PCDHGA3: variants seen among roughly 807,000 people sequenced by gnomAD.
PCDHGA3 encodes protocadherin gamma-A3.
Under a neutral mutation model 58.5 loss-of-function variants are expected in PCDHGA3, and 40 were observed. The observed-to-expected ratio is 0.68, with a 90% CI of 0.53 to 0.89. The LOEUF (loss-of-function observed/expected upper bound fraction) is 0.89. Among genes scored for constraint, PCDHGA3 ranks in the 40% least tolerant of loss-of-function variants. The pLI is 0.00. For missense variants in PCDHGA3, 1,223 were observed against 1,195.9 expected, an observed-to-expected ratio of 1.02 and a Z score of -0.33; for synonymous variants, 530 against 525.7, an observed-to-expected ratio of 1.01 and a Z score of -0.11.
intron 1 of PCDHGA3, chr5:141,390,022 T>A (rs1206102918): frequency 2.5e-6 from 4 of 1,613,928 alleles, no homozygotes; most frequent in Non-Finnish European, 3.4e-6. Context: ...GCCTTGCGCC[T>A]GCGACGCTCC....
chr5:141,484,002 A>T, intron 1 of PCDHGA3, among the ~76,000 whole-genome samples: 1 of 25,484 alleles, frequency 3.9e-5, no homozygotes, highest in African/African-American at 1.7e-4. Context: ...GGAGGTCTGG[A>T]TGAGGGTGGG....
At position 141,435,341 on chromosome 5, in the gene PCDHGA3, C is replaced by T. The variant is rs73794903; in HGVS notation, c.2425-59466C>T. 9.3e-3 allele frequency among the ~76,000 whole-genome samples: 1,412 copies of T among 152,206 alleles called. 25 individuals carry two copies. Among genetic ancestry groups the T allele is most frequent in the African/African-American group, 0.032 (1,313 of 41,532 alleles). On this transcript the variant is annotated intron_variant, in intron 1 of 3. Coordinates refer to ENST00000253812, the MANE Select transcript of PCDHGA3 (RefSeq NM_018916.4). ...ACTTCCAAATATAGTGAATTTATTT[C>T]TTCTGCATTTAAAATTTTATCACTT...
intron 1 of PCDHGA3, among the ~76,000 whole-genome samples, chr5:141,481,593 G>A (rs575017133): frequency 1.3e-5 from 2 of 152,172 alleles, no homozygotes; most frequent in African/African-American, 2.4e-5. Context: ...TGAGGCCAGC[G>A]GATCACCTGA....
chr5:141,431,932 CT>C lies in PCDHGA3; in HGVS notation c.2425-62872del, dbSNP rs748715936. ...TCTGTTTCATCCAAGGAAATCTGCC[CT>C]TTAAATTAGAAAAATCTTACGGAAA... On this transcript the variant is annotated intron_variant, in intron 1 of 3. Transcript: ENST00000253812. The surrounding 1 kb of genome is among the most constrained non-coding windows in gnomAD (Gnocchi z 4.8). The C allele has an allele frequency of 6.2e-7, 1 of 1,614,172 alleles. No individual in the cohort carries two copies. Among genetic ancestry groups the C allele is most frequent in the Non-Finnish European group, 8.5e-7 (1 of 1,180,002 alleles).
Position 141,365,783 on chromosome 5 carries a change from G to T in PCDHGA3, c.2424+19326G>T, listed in dbSNP as rs906678928. 8 of 1,613,842 alleles carry T rather than the reference G, an allele frequency of 5.0e-6. No individual in the cohort carries two copies. Among genetic ancestry groups the T allele is most frequent in the Non-Finnish European group, 6.8e-6 (8 of 1,179,874 alleles). On this transcript the variant is annotated intron_variant, in intron 1 of 3. Transcript: ENST00000253812. ...CCATGACCCCGACAGCGGCGACAAC[G>T]CTCGAGTCACCTACTCCCTGGCTGA...
intron 1 of PCDHGA3, chr5:141,393,572 G>C (rs1399932416): frequency 6.2e-7 from 1 of 1,613,908 alleles, no homozygotes; most frequent in South Asian, 1.1e-5. Context: ...AAGTCCTTGA[G>C]AACATGCCCC....
chr5:141,482,530 CA>C (rs3074545), intron 1 of PCDHGA3, among the ~76,000 whole-genome samples: 1,133 of 76,538 alleles, frequency 0.015, 6 homozygotes, highest in Admixed American at 0.025. Flanking sequence ...GACAGACATG[CA>C]AAAAAAAAAA....
chr5:141,364,822 GA>G (rs1385950726), intron 1 of PCDHGA3: 1 of 1,614,010 alleles, frequency 6.2e-7, no homozygotes, highest in Admixed American at 1.7e-5. Context: ...ATGTGGGTGT[GA>G]ACTCTCTCCG....
intron 1 of PCDHGA3, chr5:141,419,373 T>C: frequency 1.9e-6 from 3 of 1,613,754 alleles, no homozygotes; most frequent in Non-Finnish European, 2.5e-6. Context: ...TCGTCCTACG[T>C]GTCCGTGAGC....
chr5:141,496,163 A>T (rs1249396595), intron 2 of PCDHGA3, among the ~76,000 whole-genome samples: 2 of 150,100 alleles, frequency 1.3e-5, no homozygotes, highest in Non-Finnish European at 3.0e-5. Flanking sequence ...TCCACCAGAC[A>T]CCCTCCCATC....
intron 1 of PCDHGA3, chr5:141,357,665 CAA>C (rs1263255857): frequency 5.0e-6 from 8 of 1,599,428 alleles, no homozygotes; most frequent in Non-Finnish European, 6.0e-6. Context: ...GAAATATAGA[CAA>C]AGAGTTGTGT....
chr5:141,478,396 G>T (rs150499152), intron 1 of PCDHGA3: 2 of 1,613,446 alleles, frequency 1.2e-6, no homozygotes, highest in African/African-American at 2.7e-5. Flanking sequence ...ACCATCAGGT[G>T]TATCTCACCA....
chr5:141,406,258 G>C (rs895877034), intron 1 of PCDHGA3, among the ~76,000 whole-genome samples: 13 of 151,882 alleles, frequency 8.6e-5, no homozygotes, highest in South Asian at 2.1e-4. Flanking sequence ...GGTCTCAAAC[G>C]ATCTTCCTGC....
At chr5:141,384,224 T>C (rs753746250) in intron 1 of PCDHGA3, 1 of 1,613,882 alleles carries the variant, frequency 6.2e-7, no homozygotes, top group Non-Finnish European at 8.5e-7. Flanking sequence ...TTCATGCAGG[T>C]GGCAGACACC....
At chr5:141,467,214 G>A (rs1333148694) in intron 1 of PCDHGA3, among the ~76,000 whole-genome samples, 1 of 151,856 alleles carries the variant, frequency 6.6e-6, no homozygotes, top group Admixed American at 6.6e-5. Context: ...CACCATGCCT[G>A]GCTAATTTTT....
At position 141,344,625 on chromosome 5, in the gene PCDHGA3, C is replaced by G. The variant is rs746729408; in HGVS notation, c.592C>G (p.Arg198Gly). The change falls in exon 1 of 4, where the codon CGG (arginine) becomes GGG (glycine). Residue 198 changes from arginine to glycine, a missense_variant. By Grantham distance (125) the Arg-to-Gly change is moderately radical. Transcript: ENST00000253812. The stretch of plus-strand genomic sequence containing the variant: ...CAAGTATCCAGAGCTGGTGCTGGAG[C>G]GGGCCCTGGACCGTGAGAAAAAAGA... ...GAKYPELVLE[R>G]ALDREKKEIH... 30 of 1,613,816 alleles carry G rather than the reference C, an allele frequency of 1.9e-5. No individual in the cohort carries two copies. The highest frequency in any genetic ancestry group is 2.5e-5 in the Non-Finnish European group (30 of 1,179,882).
chr5:141,388,842 A>G (rs1399936260), intron 1 of PCDHGA3: 1 of 1,614,014 alleles, frequency 6.2e-7, no homozygotes, highest in Non-Finnish European at 8.5e-7. Flanking sequence ...TTTGGAAGCA[A>G]GGGACGGTGG....
At chr5:141,355,346 C>G (rs571668487) in intron 1 of PCDHGA3, 2 of 1,613,986 alleles carry the variant, frequency 1.2e-6, no homozygotes, top group African/African-American at 2.7e-5. Context: ...GGCAACATCG[C>G]CAAGGACCTG....
intron 1 of PCDHGA3, among the ~76,000 whole-genome samples, chr5:141,386,717 A>G (rs2090680763): frequency 6.6e-6 from 1 of 152,214 alleles, no homozygotes; most frequent in South Asian, 2.1e-4. Flanking sequence ...TGCTGACACC[A>G]ACAATGTTAC....
Sources: gnomAD v4.1 joint callset for allele counts (sites outside exome capture counted in the v4.1 genomes callset) on GRCh38, gnomAD v4.1.1 for gene constraint, Gnocchi (gnomAD v3.1) non-coding constraint, MANE v1.5 for transcripts, NCBI Gene and HGNC (gene_info 2026-07-23, HGNC 2026-07-21) for gene names.